Variants in ZFHX3 observed in about 807,000 individuals in gnomAD.
ZFHX3 encodes zinc finger homeobox protein 3.
A neutral mutation model predicts 279.1 loss-of-function variants in ZFHX3; 42 were observed. The observed-to-expected ratio is 0.15, with a 90% CI of 0.12 to 0.19. The LOEUF (loss-of-function observed/expected upper bound fraction) is 0.19. ZFHX3 is among the 10% of genes least tolerant of loss of function. The probability of loss-of-function intolerance (pLI) is 1.00; values close to 1 mark genes in which losing one functional copy is unlikely to be tolerated. For synonymous variants in ZFHX3, 2,293 were observed against 1,957.8 expected (o/e 1.17, Z -4.52); for missense variants, 4,981 against 4,754.0 (o/e 1.05, Z -1.40).
At chr16:72,830,387 G>A (rs930375725) in intron 4 of ZFHX3, among the ~76,000 whole-genome samples, 3 of 152,188 alleles carry the variant, frequency 2.0e-5, no homozygotes, top group Non-Finnish European at 4.4e-5. Context: ...TGCAGGTTGC[G>A]AAGAGTCACA....
rs1488665057 is a variant in ZFHX3, at chr16:73,728,027, C to T, written c.-1607-47787G>A. ...TGAGCCGAATTGTGCCCCCCCCCCG[C>T]CCCCAATAATTCATATGTTGAAGTT... On this transcript the variant is annotated intron_variant, in intron 1 of 17. Transcript: ENST00000641206. Among the ~76,000 whole-genome samples the T allele has an allele frequency of 2.5e-5, 3 of 121,622 alleles. No individual in the cohort carries two copies. In the South Asian group the frequency reaches 1.1e-3, roughly 43 times the overall value. The allele number at this position is 121,622 out of a possible 152,430, so 79.8% of individuals were successfully genotyped here.
At chr16:73,738,566 G>C (rs1428902040) in intron 1 of ZFHX3, among the ~76,000 whole-genome samples, 3 of 152,216 alleles carry the variant, frequency 2.0e-5, no homozygotes, top group Non-Finnish European at 4.4e-5. Flanking sequence ...GAATGATGAA[G>C]GAATGATTGG....
chr16:73,105,384 C>CACACACACACATATATATATAT (rs1966286379), intron 7 of ZFHX3, among the ~76,000 whole-genome samples: 7 of 43,134 alleles, frequency 1.6e-4, no homozygotes, highest in Non-Finnish European at 3.6e-4. Flanking sequence ...TATATATATA[C>CACACACACACATATATATATAT]ACACACACAC....
At chr16:73,435,453 G>T (rs1301102862) in intron 3 of ZFHX3, among the ~76,000 whole-genome samples, 3 of 152,048 alleles carry the variant, frequency 2.0e-5, no homozygotes, top group Non-Finnish European at 4.4e-5. Context: ...CAGGTGATCT[G>T]CCTGCCTCGG....
At chr16:72,970,444 A>G (rs1232100996) in intron 1 of ZFHX3, among the ~76,000 whole-genome samples, 3 of 152,076 alleles carry the variant, frequency 2.0e-5, no homozygotes, top group Admixed American at 1.3e-4. Flanking sequence ...CATTTCCACA[A>G]CAAGAAAGAC....
intron 5 of ZFHX3, among the ~76,000 whole-genome samples, chr16:73,225,465 C>A (rs1238853388): frequency 2.0e-5 from 3 of 151,996 alleles, no homozygotes; most frequent in Admixed American, 1.3e-4. Flanking sequence ...TGGCACACAC[C>A]CATGGTACCA....
intron 2 of ZFHX3, among the ~76,000 whole-genome samples, chr16:73,505,607 A>G (rs183824978): frequency 9.2e-5 from 14 of 152,048 alleles, no homozygotes; most frequent in Non-Finnish European, 1.9e-4. Context: ...GAAGCCCAGC[A>G]AAGTCAGGGT....
At chr16:73,062,861 T>C (rs1965703566), upstream of ZFHX3, among the ~76,000 whole-genome samples, 1 of 152,190 alleles carries the variant, frequency 6.6e-6, no homozygotes, top group South Asian at 2.1e-4. Context: ...CGAATGTGTA[T>C]TGTTATTCTA....
chr16:73,601,346 A>T (rs7201106), intron 2 of ZFHX3, among the ~76,000 whole-genome samples: 118,589 of 147,162 alleles, frequency 0.81, 48,487 homozygotes, highest in East Asian at 0.99. Context: ...GGCACATGCC[A>T]GTAATCTCAG....
intron 2 of ZFHX3, among the ~76,000 whole-genome samples, chr16:73,634,786 G>C (rs1338858231): frequency 6.6e-6 from 1 of 152,136 alleles, no homozygotes; most frequent in Admixed American, 6.6e-5. Flanking sequence ...AGAAATTAGA[G>C]AGAAAGATAA....
intron 2 of ZFHX3, among the ~76,000 whole-genome samples, chr16:73,587,482 AC>A (rs1326459254): frequency 6.6e-5 from 10 of 152,230 alleles, no homozygotes; most frequent in Admixed American, 6.5e-4. Flanking sequence ...CATTTAAGCA[AC>A]AGAAATTGAA....
chr16:72,799,527 T>C (rs900303964), intron 8 of ZFHX3, among the ~76,000 whole-genome samples: 1 of 152,228 alleles, frequency 6.6e-6, no homozygotes, highest in African/African-American at 2.4e-5. Context: ...ACCATTCATC[T>C]AGCCAGGAAA....
At position 73,422,458 on chromosome 16, in the gene ZFHX3, A is replaced by G. The variant is rs887952398; in HGVS notation, c.-1291+33545T>C. ...TCTATCCATTTCACAGCCCAAGCAC[A>G]GTGACTGGCACACAGAAAATGCATA... is the stretch of plus-strand genomic sequence containing the variant. On this transcript the variant is annotated intron_variant, in intron 3 of 17. Coordinates refer to the ZFHX3 transcript ENST00000641206. Among the ~76,000 whole-genome samples, 5 of 152,226 alleles carry G rather than the reference A, an allele frequency of 3.3e-5. No individual in the cohort carries two copies. In the South Asian group the frequency reaches 8.3e-4, roughly 25 times the overall value.
chr16:73,295,130 G>C (rs2014878169), intron 4 of ZFHX3, among the ~76,000 whole-genome samples: 1 of 151,264 alleles, frequency 6.6e-6, no homozygotes, highest in African/African-American at 2.4e-5. Context: ...CAGGAGAATG[G>C]CGTGAACCCG....
chr16:73,295,104 A>C (rs2014877316), intron 4 of ZFHX3, among the ~76,000 whole-genome samples: 1 of 151,908 alleles, frequency 6.6e-6, no homozygotes, highest in Admixed American at 6.5e-5. Flanking sequence ...AGTCTCAGCT[A>C]CTAGGGAGGC....
chr16:72,878,608 T>G (rs1428049280), intron 4 of ZFHX3, among the ~76,000 whole-genome samples: 1 of 152,230 alleles, frequency 6.6e-6, no homozygotes, highest in Non-Finnish European at 1.5e-5. Flanking sequence ...AGTCTTAGGA[T>G]TTCTTCATTT....
chr16:72,903,466 G>T lies in ZFHX3; in HGVS notation c.3217-13504C>A, dbSNP rs187998304. 1.2e-3 allele frequency among the ~76,000 whole-genome samples: 190 copies of T among 152,284 alleles called. 1 individual carries two copies. The highest frequency in any genetic ancestry group is 4.2e-3 in the African/African-American group (175 of 41,576). On this transcript the variant is annotated intron_variant, in intron 3 of 9. Transcript: ENST00000268489. ...GGTTAGACAAGGCAGGCTTCTAGTA[G>T]GGATAACCTCCTCATATGTTACATG...
intron 1 of ZFHX3, among the ~76,000 whole-genome samples, chr16:73,881,068 C>G (rs1399958375): frequency 6.6e-6 from 1 of 152,160 alleles, no homozygotes; most frequent in African/African-American, 2.4e-5. Context: ...TCCCTGGTAG[C>G]ACCTTCTATA....
chr16:73,265,771 C>T (rs1320836484), intron 4 of ZFHX3, among the ~76,000 whole-genome samples: 1 of 152,174 alleles, frequency 6.6e-6, no homozygotes, highest in East Asian at 1.9e-4. Flanking sequence ...AAAATGGCTG[C>T]AGCGATTCAC....
Sources: gnomAD v4.1 joint callset for allele counts (sites outside exome capture counted in the v4.1 genomes callset) on GRCh38, gnomAD v4.1.1 for gene constraint, MANE v1.5 for transcripts, NCBI Gene and HGNC (gene_info 2026-07-23, HGNC 2026-07-21) for gene names.